Variants in TMEM132B observed in about 807,000 individuals in gnomAD.
The protein encoded by TMEM132B is transmembrane protein 132B.
TMEM132B carries 18 observed loss-of-function variants against 90.8 expected under a neutral mutation model. The ratio of observed to expected loss-of-function variants is 0.20; its 90% confidence interval spans 0.14 to 0.29. The LOEUF (loss-of-function observed/expected upper bound fraction) is 0.29, where lower values mean the gene tolerates loss of function less well. Among genes scored for constraint, TMEM132B ranks in the 10% least tolerant of loss-of-function variants. TMEM132B has a pLI of 1.00. For missense variants in TMEM132B, 1,096 were observed against 1,326.8 expected (o/e 0.83, Z 2.70); for synonymous variants, 504 against 523.3 (o/e 0.96, Z 0.50).
intron 1 of TMEM132B, among the ~76,000 whole-genome samples, chr12:125,266,116 C>T (rs537208895): frequency 7.9e-5 from 12 of 152,176 alleles, no homozygotes; most frequent in African/African-American, 2.9e-4. Context: ...GTGATCCCAG[C>T]TACTAGGGAG....
chr12:125,310,616 G>A (rs1261799926), intron 1 of TMEM132B, among the ~76,000 whole-genome samples: 1 of 152,132 alleles, frequency 6.6e-6, no homozygotes, highest in African/African-American at 2.4e-5. Flanking sequence ...TACTCGGAAA[G>A]CTCCCAGCCA....
intron 4 of TMEM132B, among the ~76,000 whole-genome samples, chr12:125,531,353 T>C (rs560566665): frequency 2.0e-5 from 3 of 152,126 alleles, no homozygotes; most frequent in African/African-American, 7.2e-5. Flanking sequence ...ACCCGGCTGA[T>C]TTTTATTTAT....
chr12:125,329,629 G>A (rs1477835348), intron 1 of TMEM132B, among the ~76,000 whole-genome samples: 2 of 152,200 alleles, frequency 1.3e-5, no homozygotes, highest in African/African-American at 2.4e-5. Flanking sequence ...TTCCTGGGAC[G>A]ATTCCCTAAC....
chr12:125,625,543 CCA>C (rs1195811585), intron 5 of TMEM132B, among the ~76,000 whole-genome samples: 1 of 152,116 alleles, frequency 6.6e-6, no homozygotes, highest in African/African-American at 2.4e-5. Context: ...TATGGATTTA[CCA>C]CAGTTTATCT....
intron 4 of TMEM132B, 47 bp from the exon 5 acceptor site, chr12:125,583,804 T>G (rs763065896): frequency 3.7e-5 from 60 of 1,608,194 alleles, no homozygotes; most frequent in South Asian, 1.3e-4. Context: ...TGCTCGCCCC[T>G]GTGGTATGCA....
chr12:125,541,308 G>A (rs1001651977), intron 4 of TMEM132B, among the ~76,000 whole-genome samples: 9 of 152,194 alleles, frequency 5.9e-5, no homozygotes, highest in Non-Finnish European at 1.2e-4. Context: ...GAAGGAGCCA[G>A]GCAGCCTCTT....
chr12:125,613,727 C>G (rs1036298477), intron 5 of TMEM132B, among the ~76,000 whole-genome samples: 2 of 151,792 alleles, frequency 1.3e-5, no homozygotes, highest in Non-Finnish European at 2.9e-5. Context: ...TATTACATGT[C>G]TATATGTTAT....
At chr12:125,289,663 T>G (rs1875477802) in intron 1 of TMEM132B, among the ~76,000 whole-genome samples, 2 of 152,220 alleles carry the variant, frequency 1.3e-5, no homozygotes, top group African/African-American at 4.8e-5. Flanking sequence ...CATTTACTTC[T>G]CAGAGCAGAT....
At position 125,658,854 on chromosome 12, in the gene TMEM132B, T is replaced by C. The variant is rs1460475758; in HGVS notation, c.*4144T>C. The C allele has an allele frequency of 1.3e-5, 2 of 152,200 alleles. No individual in the cohort carries two copies. Among genetic ancestry groups the C allele is most frequent in the African/African-American group, 4.8e-5 (2 of 41,452 alleles). 9.4% of individuals were successfully genotyped at this position (152,200 alleles called of 1,614,324 possible). The stretch of plus-strand genomic sequence containing the variant: ...ATTCTGGCCTAGAAAGGCTGTGGCT[T>C]ATGTTGGGATTGATGATGGAATCTG... On this transcript the variant is annotated 3_prime_UTR_variant, in exon 9 of 9. Coordinates refer to ENST00000682704, the MANE Select transcript of TMEM132B (RefSeq NM_001366854.1).
intron 1 of TMEM132B, among the ~76,000 whole-genome samples, chr12:125,272,548 C>T (rs11058113): frequency 0.051 from 7,809 of 152,030 alleles, 303 homozygotes; most frequent in Non-Finnish European, 0.078. Flanking sequence ...CTGCACTGCT[C>T]GAGCTCCTGA....
chr12:125,650,701 T>C lies in TMEM132B; in HGVS notation c.1662T>C (p.Asp554=). 1 of 1,608,366 alleles carries C rather than the reference T, an allele frequency of 6.2e-7. No individual in the cohort carries two copies. The change falls in exon 7 of 9, where the codon GAT becomes GAC. Residue 554 remains aspartate, a synonymous_variant. Coordinates refer to ENST00000682704, the MANE Select transcript of TMEM132B (RefSeq NM_001366854.1). The part of the protein sequence containing the change: ...AANRRPTRES[D]DEDDEEKKGR... ...GCTCCAGGCCTACCCGGGAAAGCGATGACGAGGACGATGAGGAGAAGAAGG... is the reference window on the plus strand; with the variant it reads ...GCTCCAGGCCTACCCGGGAAAGCGACGACGAGGACGATGAGGAGAAGAAGG...
At chr12:125,268,901 T>C (rs1868284) in intron 1 of TMEM132B, among the ~76,000 whole-genome samples, 53,711 of 152,074 alleles carry the variant, frequency 0.35, 10,142 homozygotes, top group Non-Finnish European at 0.41. Flanking sequence ...CCTGTTTGTG[T>C]CTCCCAGCAC....
At chr12:125,385,814 C>T (rs1235248046) in intron 2 of TMEM132B, among the ~76,000 whole-genome samples, 1 of 152,088 alleles carries the variant, frequency 6.6e-6, no homozygotes, top group Non-Finnish European at 1.5e-5. Flanking sequence ...TTTATTAGTT[C>T]AACAAATATT....
intron 4 of TMEM132B, among the ~76,000 whole-genome samples, chr12:125,575,522 C>T (rs1884922263): frequency 6.6e-6 from 1 of 151,180 alleles, no homozygotes; most frequent in South Asian, 2.1e-4. Flanking sequence ...TGTCCTTTTA[C>T]TTTCTTGGTG....
At chr12:125,297,495 C>T (rs1410563646) in intron 1 of TMEM132B, among the ~76,000 whole-genome samples, 1 of 152,224 alleles carries the variant, frequency 6.6e-6, no homozygotes, top group African/African-American at 2.4e-5. Context: ...AGCAGGACCA[C>T]GCTTCAGCGG....
rs1957771007 is a variant in TMEM132B, at chr12:125,188,234, C to T, written c.67+1368C>T. Reference sequence around the variant, plus strand: ...GCCTAGAGAATGGCATTGGGCTTAACGTGGATGAATCTTGCCTGCTTGGCT... The same window carrying T: ...GCCTAGAGAATGGCATTGGGCTTAATGTGGATGAATCTTGCCTGCTTGGCT... On this transcript the variant is annotated intron_variant, in intron 1 of 8. Transcript: ENST00000682704. Among the ~76,000 whole-genome samples the T allele has an allele frequency of 2.0e-5, 3 of 152,192 alleles. No individual in the cohort carries two copies. The South Asian group carries it at 6.2e-4, about 31-fold the overall frequency.
chr12:125,530,553 G>C (rs1032720723), intron 4 of TMEM132B, among the ~76,000 whole-genome samples: 1 of 152,224 alleles, frequency 6.6e-6, no homozygotes, highest in Admixed American at 6.5e-5. Context: ...TAAAACAATA[G>C]GAATTTATTT....
intron 5 of TMEM132B, among the ~76,000 whole-genome samples, chr12:125,592,433 T>C (rs746061681): frequency 2.6e-5 from 4 of 152,096 alleles, no homozygotes; most frequent in Non-Finnish European, 4.4e-5. Flanking sequence ...AGATGTTAAA[T>C]GGCTAATAAA....
At chr12:125,248,231 G>A (rs1190811038) in intron 1 of TMEM132B, among the ~76,000 whole-genome samples, 1 of 152,156 alleles carries the variant, frequency 6.6e-6, no homozygotes, top group Non-Finnish European at 1.5e-5. Flanking sequence ...TCTTCAGGAG[G>A]AAAAATTAGG....
Sources: gnomAD v4.1 joint callset for allele counts (sites outside exome capture counted in the v4.1 genomes callset) on GRCh38, gnomAD v4.1.1 for gene constraint, MANE v1.5 for transcripts, NCBI Gene and HGNC (gene_info 2026-07-23, HGNC 2026-07-21) for gene names.